The following PEAK1 variants were observed in gnomAD, a reference collection of about 807,000 sequenced individuals.
PEAK1 encodes inactive tyrosine-protein kinase PEAK1.
A neutral mutation model predicts 124.7 loss-of-function variants in PEAK1; 54 were observed. That is an observed-to-expected ratio of 0.43 (90% CI 0.35 to 0.54). The LOEUF (loss-of-function observed/expected upper bound fraction) is 0.54, where lower values mean the gene tolerates loss of function less well. Among genes scored for constraint, PEAK1 ranks in the 20% least tolerant of loss-of-function variants. PEAK1 has a pLI of 0.01. For synonymous variants in PEAK1, 719 were observed against 760.0 expected (o/e 0.95, Z 0.89); for missense variants, 2,046 against 2,134.5 (o/e 0.96, Z 0.82).
At chr15:77,338,873 A>G (rs1438052211) in intron 2 of PEAK1, among the ~76,000 whole-genome samples, 6 of 152,020 alleles carry the variant, frequency 3.9e-5, no homozygotes, top group Non-Finnish European at 8.8e-5. Flanking sequence ...ATTTAACATT[A>G]AATTGCTTTA....
intron 6 of PEAK1, among the ~76,000 whole-genome samples, chr15:77,210,250 T>C (rs1000506480): frequency 2.0e-5 from 3 of 152,234 alleles, no homozygotes; most frequent in African/African-American, 7.2e-5. Flanking sequence ...CAGAGATGTA[T>C]ATTAAAGCTT....
At chr15:77,172,403 T>C (rs1189993529) in intron 7 of PEAK1, among the ~76,000 whole-genome samples, 1 of 152,218 alleles carries the variant, frequency 6.6e-6, no homozygotes, top group Middle Eastern at 3.2e-3. Flanking sequence ...AGATATAAGT[T>C]TTTAAAAATT....
rs1329314865 is a variant in PEAK1 at position 77,405,333 on chromosome 15, T to C, written c.-666+14673A>G. 5.3e-5 allele frequency among the ~76,000 whole-genome samples: 8 copies of C among 152,130 alleles called. No individual in the cohort carries two copies. The South Asian group carries it at 1.4e-3, about 28-fold the overall frequency. On this transcript the variant is annotated intron_variant, in intron 1 of 9. Transcript: ENST00000682557. ...TCAACTAGATATTATAAGATGTATA[T>C]ATACACAAAAAGGCTGAGGAGAAGG...
chr15:77,186,443 G>C (rs775493225), intron 6 of PEAK1, among the ~76,000 whole-genome samples: 5 of 152,124 alleles, frequency 3.3e-5, no homozygotes, highest in Non-Finnish European at 5.9e-5. Context: ...AGCCAAATGA[G>C]ACTCACCAGG....
chr15:77,173,129 A>G (rs1033501625), intron 7 of PEAK1, among the ~76,000 whole-genome samples: 1 of 152,148 alleles, frequency 6.6e-6, no homozygotes, highest in African/African-American at 2.4e-5. Flanking sequence ...ATATGGTGCC[A>G]TGGCTTTGAT....
At chr15:77,120,354 C>T (rs1314545018) in intron 9 of PEAK1, among the ~76,000 whole-genome samples, 9 of 152,138 alleles carry the variant, frequency 5.9e-5, no homozygotes, top group Admixed American at 5.9e-4. Context: ...CCATATATGT[C>T]CTAACCCATA....
chr15:77,309,938 G>GA (rs1306457065), intron 2 of PEAK1, among the ~76,000 whole-genome samples: 2 of 152,114 alleles, frequency 1.3e-5, no homozygotes, highest in Non-Finnish European at 2.9e-5. Context: ...TATTCTTCCT[G>GA]GAGAAAAACT....
At chr15:77,402,504 T>C in intron 1 of PEAK1, 1 of 965,272 alleles carries the variant, frequency 1.0e-6, no homozygotes, top group Non-Finnish European at 1.2e-6. Context: ...CATGTTAAAA[T>C]TATTAGTATA....
intron 6 of PEAK1, among the ~76,000 whole-genome samples, chr15:77,220,512 C>A (rs1333900176): frequency 2.7e-5 from 3 of 112,656 alleles, no homozygotes; most frequent in African/African-American, 3.6e-5. Flanking sequence ...TTCATACAAG[C>A]TAAAATTCAA....
intron 9 of PEAK1, among the ~76,000 whole-genome samples, chr15:77,115,619 C>G: frequency 7.0e-6 from 1 of 142,644 alleles, no homozygotes; most frequent in East Asian, 2.0e-4. Flanking sequence ...GTTATGTGTG[C>G]AAACCTAAGT....
At chr15:77,153,667 A>C (rs566197913) in intron 8 of PEAK1, among the ~76,000 whole-genome samples, 1 of 152,242 alleles carries the variant, frequency 6.6e-6, no homozygotes, top group South Asian at 2.1e-4. Flanking sequence ...TGTGTCCCAG[A>C]GATTCTGGTA....
At chr15:77,199,779 C>T (rs1183751390) in intron 6 of PEAK1, among the ~76,000 whole-genome samples, 2 of 152,150 alleles carry the variant, frequency 1.3e-5, no homozygotes, top group Non-Finnish European at 2.9e-5. Context: ...GAGATGACTG[C>T]TTCCAAACCA....
chr15:77,219,762 G>A (rs1402655803), intron 6 of PEAK1, among the ~76,000 whole-genome samples: 4 of 151,984 alleles, frequency 2.6e-5, no homozygotes, highest in Non-Finnish European at 5.9e-5. Flanking sequence ...TTACTGCAAA[G>A]AACAAAACTC....
At chr15:77,304,868 C>CT (rs1251383890) in intron 2 of PEAK1, among the ~76,000 whole-genome samples, 1 of 152,066 alleles carries the variant, frequency 6.6e-6, no homozygotes, top group Admixed American at 6.6e-5. Context: ...ATCACCTAGC[C>CT]TACTTGGACT....
chr15:77,172,553 T>C (rs2056580897), intron 7 of PEAK1, among the ~76,000 whole-genome samples: 1 of 152,234 alleles, frequency 6.6e-6, no homozygotes, highest in African/African-American at 2.4e-5. Context: ...AACCACAGTT[T>C]GTCTGTCAGT....
intron 8 of PEAK1, among the ~76,000 whole-genome samples, chr15:77,142,092 G>A (rs1199415611): frequency 6.6e-6 from 1 of 152,160 alleles, no homozygotes; most frequent in African/African-American, 2.4e-5. Flanking sequence ...TTACATATCT[G>A]ATAAGAGACT....
rs567610251 is a variant in PEAK1 at position 77,189,149 on chromosome 15, C to T, written c.-114-7109G>A. The stretch of plus-strand genomic sequence containing the variant: ...CTGGGAGGGGGAGGTTGCAGTGAGC[C>T]GAGATCGCGCCACTGCACTCCAGCC... On this transcript the variant is annotated intron_variant, in intron 6 of 9. Coordinates refer to ENST00000682557, the MANE Select transcript of PEAK1 (RefSeq NM_001385026.1). Among the ~76,000 whole-genome samples, 4 of 151,976 alleles carry T rather than the reference C, an allele frequency of 2.6e-5. No homozygotes were observed. In the East Asian group the frequency reaches 5.8e-4, roughly 22 times the overall value.
At chr15:77,159,166 C>G (rs1293906149) in intron 7 of PEAK1, among the ~76,000 whole-genome samples, 1 of 151,936 alleles carries the variant, frequency 6.6e-6, no homozygotes, top group African/African-American at 2.4e-5. Context: ...AAATCAGGAT[C>G]AGGAATAAAG....
chr15:77,338,018 T>C (rs555139321), intron 2 of PEAK1: 319 of 983,042 alleles, frequency 3.2e-4, no homozygotes, highest in Admixed American at 4.9e-4. Context: ...TAAAAAGAGG[T>C]CATTATTTTT....
Sources: allele counts gnomAD v4.1 joint callset (sites outside exome capture counted in the v4.1 genomes callset), GRCh38; gene constraint gnomAD v4.1.1; transcripts MANE v1.5; gene names NCBI Gene and HGNC (gene_info 2026-07-23, HGNC 2026-07-21).